The following SMARCA4 variants were observed in gnomAD, a reference collection of about 807,000 sequenced individuals.
The protein encoded by SMARCA4 is SWI/SNF-related matrix-associated actin-dependent regulator of chromatin subfamily A member 4.
A neutral mutation model predicts 193.9 loss-of-function variants in SMARCA4; 31 were observed. The observed-to-expected ratio is 0.16, with a 90% CI of 0.12 to 0.22. SMARCA4 has a LOEUF of 0.22. Ranked by LOEUF, SMARCA4 falls within the 10% of genes least tolerant of loss-of-function variation. The pLI, the probability that SMARCA4 is intolerant of heterozygous loss-of-function variation, is 1.00. For synonymous variants in SMARCA4, 942 were observed against 933.1 expected (o/e 1.01, Z -0.17); for missense variants, 1,148 against 2,296.0 (o/e 0.50, Z 10.22).
intron 11 of SMARCA4, among the ~76,000 whole-genome samples, chr19:10,998,062 T>G (rs142739111): frequency 5.4e-4 from 82 of 152,216 alleles, no homozygotes; most frequent in African/African-American, 1.8e-3. Context: ...TGTGTGTGTT[T>G]GTTTTTTTGC....
Position 10,987,120 on chromosome 19 carries a change from G to A in SMARCA4, c.859+117G>A, listed in dbSNP as rs980036680. The A allele has an allele frequency of 2.8e-5, 21 of 754,312 alleles. No individual in the cohort carries two copies. The Middle Eastern group carries it at 3.2e-3, about 113-fold the overall frequency. The allele number at this position is 754,312 out of a possible 1,614,324, so 46.7% of individuals were successfully genotyped here. On this transcript the variant is annotated intron_variant, in intron 5 of 34. Transcript: ENST00000344626. This position sits in a 1 kb window ranked among gnomAD's most constrained non-coding sequence, Gnocchi z 5.3. ...CCGAGGGTGGTCAGGCTGAACTGCA[G>A]CCTGTACTTTTCTTGTGGTGGTCCC...
intron 30 of SMARCA4, among the ~76,000 whole-genome samples, chr19:11,046,948 CAAAAA>C (rs35450843): frequency 6.5e-5 from 6 of 91,842 alleles, no homozygotes; most frequent in Admixed American, 1.2e-4. Context: ...GACCCTGTTG[CAAAAA>C]AAAAAAAAAA....
At position 11,058,252 on chromosome 19, in the gene SMARCA4, C is replaced by T. The variant is rs748738510; in HGVS notation, c.4425-3C>T. 2 of 1,608,550 alleles carry T rather than the reference C, an allele frequency of 1.2e-6. No individual in the cohort carries two copies. Among genetic ancestry groups the T allele is most frequent in the African/African-American group, 1.3e-5 (1 of 74,980 alleles). Reference sequence around the variant, plus strand: ...GGTGATAGCCGCCGGTTCTGCCTTGCAGCAGCAGTGGACGTCAGCTCAGCG... The same window carrying T: ...GGTGATAGCCGCCGGTTCTGCCTTGTAGCAGCAGTGGACGTCAGCTCAGCG... On this transcript the variant is annotated splice_region_variant and splice_polypyrimidine_tract_variant and intron_variant, in intron 30 of 34. Transcript: ENST00000344626. The surrounding 1 kb of genome is among the most constrained non-coding windows in gnomAD (Gnocchi z 5.8).
rs747149353 is a variant in SMARCA4 at position 10,989,314 on chromosome 19, C to T, written c.1119-3C>T. Reference sequence around the variant, plus strand: ...CGCCTTTGCTCCTTGTCTCTGCTCCCAGGCTGCAGGCTCGCATCGCACACC... The same window carrying T: ...CGCCTTTGCTCCTTGTCTCTGCTCCTAGGCTGCAGGCTCGCATCGCACACC... On this transcript the variant is annotated splice_region_variant and splice_polypyrimidine_tract_variant and intron_variant, in intron 6 of 34. Transcript: ENST00000344626. 5 of 1,613,994 alleles carry T rather than the reference C, an allele frequency of 3.1e-6. No homozygotes were observed. The Admixed American group carries it at 6.7e-5, about 22-fold the overall frequency.
chr19:11,013,149 TCA>T, intron 16 of SMARCA4, 37 bp downstream of exon 16: 1 of 1,608,636 alleles, frequency 6.2e-7, no homozygotes, highest in Non-Finnish European at 8.5e-7. Context: ...CACACGCCGC[TCA>T]CACGCTCCTG....
intron 12 of SMARCA4, 52 bp downstream of exon 12, chr19:11,003,211 GC>G: frequency 6.2e-7 from 1 of 1,612,950 alleles, no homozygotes; most frequent in Non-Finnish European, 8.5e-7. Context: ...TCCTCGGTGG[GC>G]CTTGTTCCAG....
At chr19:11,053,201 A>G (rs948114460) in intron 30 of SMARCA4, among the ~76,000 whole-genome samples, 9 of 152,196 alleles carry the variant, frequency 5.9e-5, no homozygotes, top group Admixed American at 2.6e-4. Flanking sequence ...AGGAGTTACA[A>G]AAAACGGAAC....
intron 34 of SMARCA4, 90 bp downstream of exon 34, chr19:11,060,277 C>T (rs2076791240): frequency 7.0e-7 from 1 of 1,431,776 alleles, no homozygotes; most frequent in African/African-American, 1.4e-5. Context: ...GCGGTGCTCC[C>T]ACGCCCCCAC....
chr19:10,991,880 C>CT (rs2086591267), intron 8 of SMARCA4, among the ~76,000 whole-genome samples: 1 of 151,988 alleles, frequency 6.6e-6, no homozygotes, highest in South Asian at 2.1e-4. Flanking sequence ...GGCTTTTGCT[C>CT]TGAGTAAAGT....
chr19:10,992,309 G>T (rs1244682709), intron 8 of SMARCA4, among the ~76,000 whole-genome samples: 1 of 150,830 alleles, frequency 6.6e-6, no homozygotes, highest in Non-Finnish European at 1.5e-5. Flanking sequence ...TAGAGATGGG[G>T]TTTCACCATG....
intron 22 of SMARCA4, 151 bp from the exon 23 acceptor site, chr19:11,026,149 A>G: frequency 5.6e-6 from 4 of 716,152 alleles, no homozygotes; most frequent in Non-Finnish European, 1.0e-5. Context: ...TGGTTTTGGC[A>G]TCTGTGTCTG....
At chr19:11,006,010 A>G (rs1451661755) in intron 13 of SMARCA4, among the ~76,000 whole-genome samples, 2 of 152,226 alleles carry the variant, frequency 1.3e-5, no homozygotes, top group African/African-American at 4.8e-5. Context: ...TTTCTTGCCT[A>G]AAATGTCGGT....
chr19:11,039,448 T>G, intron 29 of SMARCA4: 1 of 1,576,220 alleles, frequency 6.3e-7, no homozygotes, highest in Non-Finnish European at 8.6e-7. Context: ...ATTAAAAAAT[T>G]TTGTTGTAGA....
intron 7 of SMARCA4, among the ~76,000 whole-genome samples, chr19:10,990,761 GT>G (rs2086485702): frequency 6.6e-6 from 1 of 152,220 alleles, no homozygotes; most frequent in Non-Finnish European, 1.5e-5. Flanking sequence ...GTCTCTCCAT[GT>G]TGCCCAGGTT....
rs1435150314 is a variant in SMARCA4 at position 11,041,815 on chromosome 19, C to T, written c.4424+255C>T. ...AGAGGAGAGGCAGGGGTGCGGGTCT[C>T]GGAGAAGGGGACATTGCAGCAGAGC... On this transcript the variant is annotated intron_variant, in intron 30 of 34. Coordinates refer to ENST00000344626, the MANE Select transcript of SMARCA4 (RefSeq NM_003072.5). The surrounding 1 kb of genome is among the most constrained non-coding windows in gnomAD (Gnocchi z 5.6). Among the ~76,000 whole-genome samples, 1 of 152,040 alleles carries T rather than the reference C, an allele frequency of 6.6e-6. No individual in the cohort carries two copies. Among genetic ancestry groups the T allele is most frequent in the Non-Finnish European group, 1.5e-5 (1 of 68,028 alleles).
chr19:11,025,088 C>A (rs983743861), intron 21 of SMARCA4, among the ~76,000 whole-genome samples: 1 of 151,938 alleles, frequency 6.6e-6, no homozygotes, highest in Admixed American at 6.6e-5. Context: ...CTCTAGGGAC[C>A]CCCACAGTAA....
rs1394194830 is a variant in SMARCA4, at chr19:11,031,251, A to G, written c.3546+358A>G. The G allele has an allele frequency of 1.7e-5, 6 of 355,004 alleles. No homozygotes were observed. The highest frequency in any genetic ancestry group is 2.7e-5 in the Non-Finnish European group (5 of 183,852). The allele number at this position is 355,004 out of a possible 1,614,324, so 22.0% of individuals were successfully genotyped here. On this transcript the variant is annotated intron_variant, in intron 25 of 34. Coordinates refer to ENST00000344626, the MANE Select transcript of SMARCA4 (RefSeq NM_003072.5). The surrounding 1 kb of genome is among the most constrained non-coding windows in gnomAD (Gnocchi z 4.3). Reference sequence around the variant, plus strand: ...TGCAGTGTGCCCTGTGAGCACACACACTGGCGCTTGTTCAGACACAATTGG... The same window carrying G: ...TGCAGTGTGCCCTGTGAGCACACACGCTGGCGCTTGTTCAGACACAATTGG...
intron 29 of SMARCA4, among the ~76,000 whole-genome samples, chr19:11,036,534 C>T (rs80293311): frequency 0.048 from 7,379 of 152,236 alleles, 247 homozygotes; most frequent in South Asian, 0.11. Flanking sequence ...GCTGGGATTA[C>T]GAGCATGAGC....
rs933378229 is a variant in SMARCA4 at position 11,041,880 on chromosome 19, G to A, written c.4424+320G>A. ...GGTTGGGGAGAGTGCACCAGCAGAG[G>A]CCACAGCAGGCGGAGAGGCTCTGCC... On this transcript the variant is annotated intron_variant, in intron 30 of 34. Coordinates refer to ENST00000344626, the MANE Select transcript of SMARCA4 (RefSeq NM_003072.5). The surrounding 1 kb of genome is among the most constrained non-coding windows in gnomAD (Gnocchi z 5.6). Among the ~76,000 whole-genome samples the A allele has an allele frequency of 3.3e-5, 5 of 152,190 alleles. No homozygotes were observed. Among genetic ancestry groups the A allele is most frequent in the Admixed American group, 3.3e-4 (5 of 15,280 alleles).
Sources: gnomAD v4.1 joint callset for allele counts (sites outside exome capture counted in the v4.1 genomes callset) on GRCh38, gnomAD v4.1.1 for gene constraint, Gnocchi (gnomAD v3.1) non-coding constraint, MANE v1.5 for transcripts, NCBI Gene and HGNC (gene_info 2026-07-23, HGNC 2026-07-21) for gene names.